The following PRR14L variants were observed in gnomAD, a reference collection of about 807,000 sequenced individuals.
PRR14L encodes the protein proline rich 14 like.
Under a neutral mutation model 155.0 loss-of-function variants are expected in PRR14L, and 80 were observed. That is an observed-to-expected ratio of 0.52 (90% confidence interval 0.43 to 0.62). PRR14L has a LOEUF of 0.62. PRR14L is among the 20% of genes least tolerant of loss of function. The pLI is 0.00. For synonymous variants in PRR14L, 883 were observed against 916.0 expected (o/e 0.96, Z 0.65); for missense variants, 2,469 against 2,548.0 (o/e 0.97, Z 0.67).
intron 2 of PRR14L, among the ~76,000 whole-genome samples, chr22:31,729,506 C>CA (rs1569500160): frequency 6.6e-6 from 1 of 152,044 alleles, no homozygotes; most frequent in Non-Finnish European, 1.5e-5. Flanking sequence ...CGTGAGCCAC[C>CA]ACGCCCGGCC....
intron 5 of PRR14L, 174 bp downstream of exon 5, chr22:31,704,481 G>C: frequency 2.3e-6 from 1 of 433,924 alleles, no homozygotes; most frequent in Non-Finnish European, 4.1e-6. Context: ...GTTGCTGCTT[G>C]TAATAGAACA....
chr22:31,715,691 G>T lies in PRR14L; in HGVS notation c.2148C>A (p.Ile716=), dbSNP rs1458544904. The T allele has an allele frequency of 3.2e-6, 5 of 1,552,158 alleles. No homozygotes were observed. The East Asian group carries it at 1.2e-4, about 38-fold the overall frequency. ...TIPIQTKIKD[I]SPPGNQTCGA... The stretch of plus-strand genomic sequence containing the variant: ...CACAGGTTTGGTTACCTGGTGGAGA[G>T]ATGTCTTTTATTTTTGTCTGAATGG... The change falls in exon 4 of 9, where the codon ATC becomes ATA. Residue 716 remains isoleucine (I), a synonymous_variant. Coordinates refer to ENST00000327423, the MANE Select transcript of PRR14L (RefSeq NM_173566.3).
intron 5 of PRR14L, 37 bp from the exon 6 acceptor site, chr22:31,703,758 T>C (rs1360699726): frequency 7.7e-7 from 1 of 1,301,748 alleles, no homozygotes. Context: ...TGAGAGGGGT[T>C]CCCTTTCTAC....
intron 2 of PRR14L, among the ~76,000 whole-genome samples, chr22:31,729,931 T>C (rs1361557296): frequency 6.6e-6 from 1 of 152,012 alleles, no homozygotes; most frequent in African/African-American, 2.4e-5. Flanking sequence ...CCCAGCACTA[T>C]GGGAGGCCGA....
chr22:31,685,517 G>T lies in PRR14L; in HGVS notation c.*10C>A. The T allele has an allele frequency of 6.6e-7, 1 of 1,526,004 alleles. No homozygotes were observed. The highest frequency in any genetic ancestry group is 1.2e-5 in the South Asian group (1 of 82,232). The allele number at this position is 1,526,004 out of a possible 1,614,324, so 94.5% of individuals were successfully genotyped here. A position where few individuals can be genotyped will look rare whatever the true frequency, so the allele number is the denominator to read the frequency against. ...ACCCTAAAATTGAGACCCTCAAACTGAATCGCTTCTCAACAGCCTGATGAT... is the reference window on the plus strand; with the variant it reads ...ACCCTAAAATTGAGACCCTCAAACTTAATCGCTTCTCAACAGCCTGATGAT... On this transcript the variant is annotated 3_prime_UTR_variant, in exon 9 of 9. Transcript: ENST00000327423.
chr22:31,697,241 G>A (rs1317350822), intron 7 of PRR14L, among the ~76,000 whole-genome samples: 1 of 149,826 alleles, frequency 6.7e-6, no homozygotes, highest in Non-Finnish European at 1.5e-5. Context: ...GGTGGAGGTT[G>A]CAGTGAGCCA....
chr22:31,687,488 G>A (rs2074488163), intron 8 of PRR14L, among the ~76,000 whole-genome samples: 1 of 151,208 alleles, frequency 6.6e-6, no homozygotes, highest in African/African-American at 2.4e-5. Flanking sequence ...CAAATAGCTG[G>A]GATTACAGGT....
In PRR14L at chr22:31,715,157, ACT is replaced by A; in HGVS notation, c.2680_2681del (p.Ser894Ter). On this transcript the variant is annotated frameshift_variant, in exon 4 of 9. Coordinates refer to ENST00000327423, the MANE Select transcript of PRR14L (RefSeq NM_173566.3). LOFTEE classifies it high-confidence loss of function. ...GCCCTTCCTCACTGAGTTTGATGCT[ACT>A]GGAGGTGTGAATGGTTTTGTTTGAA... is the stretch of plus-strand genomic sequence containing the variant. Reference protein sequence around the residue: ...GISNKTIHTSSSIKLSEEGLE... With the variant: ...GISNKTIHTSXSIKLSEEGLE... 6.4e-7 allele frequency: 1 copy of A among 1,551,902 alleles called. No individual in the cohort carries two copies. Among genetic ancestry groups the A allele is most frequent in the Non-Finnish European group, 8.7e-7 (1 of 1,146,962 alleles).
Position 31,717,069 on chromosome 22 carries a change from A to G in PRR14L, c.770T>C (p.Phe257Ser). 1 of 1,551,932 alleles carries G rather than the reference A, an allele frequency of 6.4e-7. No homozygotes were observed. The highest frequency in any genetic ancestry group is 8.7e-7 in the Non-Finnish European group (1 of 1,147,014). ...TGCTTCTGTTAATACAGGGTCCACA[A>G]AGGTTAAAGGTTCTGGGGTAACTAA... is the stretch of plus-strand genomic sequence containing the variant. ...STLVTPEPLT[F>S]VDPVLTEATP... The change falls in exon 4 of 9, where the codon TTT (phenylalanine) becomes TCT (serine). Residue 257 changes from phenylalanine (F) to serine (S), a missense_variant. Coordinates refer to ENST00000327423, the MANE Select transcript of PRR14L (RefSeq NM_173566.3).
intron 5 of PRR14L, among the ~76,000 whole-genome samples, chr22:31,704,274 G>C (rs545796288): frequency 6.6e-6 from 1 of 152,216 alleles, no homozygotes; most frequent in Non-Finnish European, 1.5e-5. Flanking sequence ...AATGTAAAAA[G>C]GAACAGACTT....
intron 7 of PRR14L, among the ~76,000 whole-genome samples, chr22:31,694,948 C>T (rs956268298): frequency 4.7e-5 from 7 of 149,404 alleles, no homozygotes; most frequent in Non-Finnish European, 7.4e-5. Context: ...CTGGGTGTGG[C>T]GGCACACTCC....
intron 1 of PRR14L, among the ~76,000 whole-genome samples, chr22:31,744,328 T>C (rs749828675): frequency 6.6e-6 from 1 of 152,180 alleles, no homozygotes; most frequent in Non-Finnish European, 1.5e-5. Flanking sequence ...AGATGGGGTT[T>C]CTCTATGTTG....
intron 1 of PRR14L, among the ~76,000 whole-genome samples, chr22:31,748,073 G>A (rs1286228948): frequency 2.0e-5 from 3 of 152,058 alleles, no homozygotes; most frequent in Admixed American, 6.6e-5. Context: ...ATGCATAGGG[G>A]CTGTTAATAA....
chr22:31,703,047 C>T (rs1176812274), intron 6 of PRR14L, among the ~76,000 whole-genome samples: 1 of 151,660 alleles, frequency 6.6e-6, no homozygotes, highest in East Asian at 1.9e-4. Context: ...AACTCCTGGA[C>T]TCAAGCGATC....
chr22:31,724,768 T>A (rs1334114900), intron 3 of PRR14L, among the ~76,000 whole-genome samples: 1 of 152,138 alleles, frequency 6.6e-6, no homozygotes, highest in African/African-American at 2.4e-5. Flanking sequence ...AGCCTTGGGG[T>A]GAGAAGAGGA....
intron 2 of PRR14L, among the ~76,000 whole-genome samples, chr22:31,726,009 G>A (rs1312238547): frequency 6.6e-6 from 1 of 152,022 alleles, no homozygotes; most frequent in Non-Finnish European, 1.5e-5. Context: ...ATGACTTTGG[G>A]AAATTAGCTA....
intron 1 of PRR14L, among the ~76,000 whole-genome samples, chr22:31,747,446 T>C (rs544985575): frequency 6.6e-6 from 1 of 150,440 alleles, no homozygotes; most frequent in Non-Finnish European, 1.5e-5. Context: ...GGTCTCTTCA[T>C]CAGGAAGCCA....
Position 31,713,945 on chromosome 22 carries a change from G to A in PRR14L, c.3894C>T (p.Asp1298=), listed in dbSNP as rs1161486302. ...TCTTTTCCACACAGGTACATACGCT[G>A]TCTCTGTCACTAGAATTACTCCAAT... ...SRDWSNSSDR[D]SVCTCVEKNA... The change falls in exon 4 of 9, where the codon GAC becomes GAT. Residue 1298 remains aspartate (D), a synonymous_variant. Coordinates refer to ENST00000327423, the MANE Select transcript of PRR14L (RefSeq NM_173566.3). 3.2e-6 allele frequency: 5 copies of A among 1,551,766 alleles called. No homozygotes were observed. The highest frequency in any genetic ancestry group is 1.2e-5 in the South Asian group (1 of 84,052).
intron 7 of PRR14L, among the ~76,000 whole-genome samples, chr22:31,689,506 G>A (rs1215267408): frequency 1.3e-5 from 2 of 152,140 alleles, no homozygotes; most frequent in African/African-American, 2.4e-5. Flanking sequence ...CATTTAAAAT[G>A]TACAATTCAG....
Sources: allele counts gnomAD v4.1 joint callset (sites outside exome capture counted in the v4.1 genomes callset), GRCh38; gene constraint gnomAD v4.1.1; transcripts MANE v1.5; gene names NCBI Gene and HGNC (gene_info 2026-07-23, HGNC 2026-07-21).